The following BORCS5 variants were observed in gnomAD, a reference collection of about 807,000 sequenced individuals.
The protein encoded by BORCS5 is BLOC-1-related complex subunit 5.
A neutral mutation model predicts 22.1 loss-of-function variants in BORCS5; 17 were observed. The ratio of observed to expected loss-of-function variants is 0.77; its 90% confidence interval spans 0.53 to 1.15. The LOEUF (loss-of-function observed/expected upper bound fraction) is 1.15, where lower values mean the gene tolerates loss of function less well. BORCS5 is among the 50% of genes most tolerant of loss of function. BORCS5 has a pLI of 0.00. For missense variants in BORCS5, 247 were observed against 253.2 expected, an observed-to-expected ratio of 0.98 and a Z score of 0.17; for synonymous variants, 117 against 99.8, an observed-to-expected ratio of 1.17 and a Z score of -1.03.
intron 2 of BORCS5, among the ~76,000 whole-genome samples, chr12:12,407,857 A>C (rs1306223770): frequency 1.3e-5 from 2 of 151,816 alleles, no homozygotes; most frequent in African/African-American, 2.4e-5. Flanking sequence ...CCTCAGGTGC[A>C]CACCACCACG....
At chr12:12,422,569 C>T in intron 2 of BORCS5, among the ~76,000 whole-genome samples, 1 of 151,872 alleles carries the variant, frequency 6.6e-6, no homozygotes, top group East Asian at 1.9e-4. Context: ...GCACTGCACT[C>T]CAGCCTGGGT....
chr12:12,465,423 C>T lies in BORCS5; in HGVS notation c.361-123C>T, dbSNP rs1175773243. The T allele has an allele frequency of 3.7e-6, 3 of 806,148 alleles. No individual in the cohort carries two copies. The African/African-American group carries it at 5.1e-5, about 14-fold the overall frequency. 49.9% of individuals were successfully genotyped at this position (806,148 alleles called of 1,614,324 possible). ...AAGGGCTTTTTAGCCCTGGGTGCTT[C>T]CTGTAAAACTTGTCAGCTTCCACTG... is the stretch of plus-strand genomic sequence containing the variant. On this transcript the variant is annotated intron_variant, in intron 3 of 3. Coordinates refer to ENST00000314565, the MANE Select transcript of BORCS5 (RefSeq NM_058169.6).
intron 2 of BORCS5, among the ~76,000 whole-genome samples, chr12:12,410,501 T>C (rs1941705616): frequency 1.3e-5 from 2 of 152,106 alleles, no homozygotes; most frequent in Admixed American, 1.3e-4. Context: ...CCCCATTGCT[T>C]GTTTTTCTCA....
At chr12:12,359,238 G>T (rs1863219452) in intron 1 of BORCS5, among the ~76,000 whole-genome samples, 1 of 152,048 alleles carries the variant, frequency 6.6e-6, no homozygotes, top group African/African-American at 2.4e-5. Context: ...GGCTATTTTT[G>T]CCCTGGACTA....
In BORCS5 at chr12:12,470,909, G is replaced by A. The variant is rs1012734271; in HGVS notation, c.*5133G>A. ...AGTGTAAGATCTGATGGAATTTACC[G>A]TTGACTCAATTTTCTTCACCAATCA... is the stretch of plus-strand genomic sequence containing the variant. On this transcript the variant is annotated 3_prime_UTR_variant, in exon 4 of 4. Transcript: ENST00000314565. 5.9e-5 allele frequency among the ~76,000 whole-genome samples: 9 copies of A among 152,162 alleles called. No homozygotes were observed. In the South Asian group the frequency reaches 1.5e-3, roughly 25 times the overall value.
At chr12:12,398,417 A>G (rs1941398660) in intron 2 of BORCS5, among the ~76,000 whole-genome samples, 1 of 152,178 alleles carries the variant, frequency 6.6e-6, no homozygotes, top group South Asian at 2.1e-4. Flanking sequence ...AATAATTAAT[A>G]TGTAATCAAA....
chr12:12,404,083 A>T (rs1941540352), intron 2 of BORCS5, among the ~76,000 whole-genome samples: 1 of 152,202 alleles, frequency 6.6e-6, no homozygotes, highest in African/African-American at 2.4e-5. Flanking sequence ...AATATGGGTG[A>T]CGTAAATTTA....
chr12:12,420,730 G>A (rs370270685), intron 2 of BORCS5, among the ~76,000 whole-genome samples: 5 of 151,940 alleles, frequency 3.3e-5, no homozygotes, highest in East Asian at 1.9e-4. Context: ...TTATTTCATC[G>A]AGCAGTGGTT....
chr12:12,427,880 T>C (rs779429387), intron 2 of BORCS5, among the ~76,000 whole-genome samples: 1 of 152,188 alleles, frequency 6.6e-6, no homozygotes, highest in Non-Finnish European at 1.5e-5. Flanking sequence ...ATGAAGCCTC[T>C]ATACTCATGA....
intron 3 of BORCS5, chr12:12,452,105 A>G: frequency 2.1e-6 from 1 of 486,116 alleles, no homozygotes; most frequent in Non-Finnish European, 4.0e-6. Flanking sequence ...TTAAATTTTT[A>G]TTTAAAAGAG....
intron 3 of BORCS5, among the ~76,000 whole-genome samples, chr12:12,445,496 C>CTTTTTTT (rs5796492): frequency 8.7e-5 from 4 of 45,760 alleles, no homozygotes; most frequent in Non-Finnish European, 1.5e-4. Flanking sequence ...ACATGCATTG[C>CTTTTTTT]TTTTTTTTTT....
In BORCS5 at chr12:12,438,886, T is replaced by C. The variant is rs1356961778; in HGVS notation, c.360+3101T>C. 3.3e-5 allele frequency among the ~76,000 whole-genome samples: 5 copies of C among 152,318 alleles called. No individual in the cohort carries two copies. The East Asian group carries it at 9.6e-4, about 29-fold the overall frequency. Reference sequence around the variant, plus strand: ...TTTAAATTTGAATTAATTTTAGACTTGGAGGAAAGTCACAGAAATAATTTG... The same window carrying C: ...TTTAAATTTGAATTAATTTTAGACTCGGAGGAAAGTCACAGAAATAATTTG... On this transcript the variant is annotated intron_variant, in intron 3 of 3. Coordinates refer to ENST00000314565, the MANE Select transcript of BORCS5 (RefSeq NM_058169.6).
chr12:12,469,487 G>GC lies in BORCS5; in HGVS notation c.*3711_*3712insC, dbSNP rs1184063945. 5 of 152,210 alleles carry GC rather than the reference G, an allele frequency of 3.3e-5. No homozygotes were observed. The highest frequency in any genetic ancestry group is 2.0e-4 in the Admixed American group (3 of 15,288). 9.4% of individuals were successfully genotyped at this position (152,210 alleles called of 1,614,324 possible). A position where few individuals can be genotyped will look rare whatever the true frequency, so the allele number is the denominator to read the frequency against. On this transcript the variant is annotated 3_prime_UTR_variant, in exon 4 of 4. Coordinates refer to ENST00000314565, the MANE Select transcript of BORCS5 (RefSeq NM_058169.6). ...GCTTCTTCAGTTATGAAAGAGGTTG[G>GC]TACTGTTACCCTTACGTTATAGGTA...
chr12:12,400,068 A>G (rs1167784593), intron 2 of BORCS5, among the ~76,000 whole-genome samples: 1 of 152,250 alleles, frequency 6.6e-6, no homozygotes, highest in Non-Finnish European at 1.5e-5. Context: ...GTTGTCAGTC[A>G]CTACTTAGAA....
intron 2 of BORCS5, among the ~76,000 whole-genome samples, chr12:12,409,509 T>C (rs532566648): frequency 3.9e-5 from 6 of 152,260 alleles, no homozygotes; most frequent in Non-Finnish European, 8.8e-5. Flanking sequence ...AATAGTTTGC[T>C]GAGAATGATG....
rs1405372060 is a variant in BORCS5, at chr12:12,467,771, T to G, written c.*1995T>G. 6.6e-6 allele frequency: 1 copy of G among 152,248 alleles called. No individual in the cohort carries two copies. Among genetic ancestry groups the G allele is most frequent in the Non-Finnish European group, 1.5e-5 (1 of 68,072 alleles). The allele number at this position is 152,248 out of a possible 1,614,324, so 9.4% of individuals were successfully genotyped here. ...TGGTGAGGGTTGGCCACGAGAGAGA[T>G]TTGCATGAGGTTTGGAAGTGGAAGT... On this transcript the variant is annotated 3_prime_UTR_variant, in exon 4 of 4. Coordinates refer to ENST00000314565, the MANE Select transcript of BORCS5 (RefSeq NM_058169.6).
At chr12:12,402,648 G>C (rs1941504713) in intron 2 of BORCS5, among the ~76,000 whole-genome samples, 1 of 152,130 alleles carries the variant, frequency 6.6e-6, no homozygotes, top group Admixed American at 6.5e-5. Flanking sequence ...GCTCTGTTAT[G>C]GAACATCTTT....
intron 2 of BORCS5, among the ~76,000 whole-genome samples, chr12:12,406,415 G>A (rs1354997129): frequency 6.6e-6 from 1 of 152,104 alleles, no homozygotes; most frequent in African/African-American, 2.4e-5. Context: ...ATCTGATCAG[G>A]GCGTCTTCTC....
At chr12:12,422,935 A>G (rs1337535018) in intron 2 of BORCS5, among the ~76,000 whole-genome samples, 2 of 151,674 alleles carry the variant, frequency 1.3e-5, no homozygotes, top group Non-Finnish European at 3.0e-5. Context: ...CATGGTTACA[A>G]AAGAGTTACG....
Sources: gnomAD v4.1 joint callset for allele counts (sites outside exome capture counted in the v4.1 genomes callset) on GRCh38, gnomAD v4.1.1 for gene constraint, MANE v1.5 for transcripts, NCBI Gene and HGNC (gene_info 2026-07-23, HGNC 2026-07-21) for gene names.